The following RASA3 variants were observed in gnomAD, a reference collection of about 807,000 sequenced individuals.
RASA3 encodes ras GTPase-activating protein 3.
A neutral mutation model predicts 110.0 loss-of-function variants in RASA3; 73 were observed. The observed-to-expected ratio is 0.66, with a 90% CI of 0.55 to 0.81. The LOEUF is 0.81. Among genes scored for constraint, RASA3 ranks in the 30% least tolerant of loss-of-function variants. RASA3 has a pLI of 0.00. For synonymous variants in RASA3, 500 were observed against 451.4 expected, an observed-to-expected ratio of 1.11 and a Z score of -1.37; for missense variants, 976 against 1,113.2, an observed-to-expected ratio of 0.88 and a Z score of 1.75.
intron 1 of RASA3, among the ~76,000 whole-genome samples, chr13:114,130,611 T>C (rs1005541249): frequency 6.6e-6 from 1 of 152,082 alleles, no homozygotes; most frequent in Non-Finnish European, 1.5e-5. Context: ...AGGGTCTGAG[T>C]ATCTGGTCTG....
intron 1 of RASA3, among the ~76,000 whole-genome samples, chr13:114,081,399 C>T (rs2079786340): frequency 6.6e-6 from 1 of 152,246 alleles, no homozygotes; most frequent in Admixed American, 6.5e-5. Flanking sequence ...GCCGCATCAC[C>T]CAGCACTCTG....
At chr13:114,108,539 CACCCCATGTCCATT>C (rs1243324470) in intron 1 of RASA3, 10 of 149,432 alleles carry the variant, frequency 6.7e-5, no homozygotes, top group African/African-American at 2.5e-4. Context: ...CCACGTCCAT[CACCCCATGTCCATT>C]ATCCCCTGTC....
At chr13:114,125,721 T>C (rs9525277) in intron 1 of RASA3, among the ~76,000 whole-genome samples, 65,110 of 152,048 alleles carry the variant, frequency 0.43, 13,965 homozygotes, top group Middle Eastern at 0.6. Flanking sequence ...CCTTCACCTA[T>C]GGTTCAAAGC....
intron 7 of RASA3, among the ~76,000 whole-genome samples, 194 bp from the exon 8 acceptor site, chr13:114,024,549 G>A (rs1253184986): frequency 1.3e-5 from 2 of 152,240 alleles, no homozygotes; most frequent in African/African-American, 2.4e-5. Context: ...TACTCACGGC[G>A]CCCCTGGAGG....
chr13:114,016,360 G>A (rs978772327), intron 12 of RASA3, 89 bp from the exon 13 acceptor site: 6 of 993,174 alleles, frequency 6.0e-6, no homozygotes, highest in South Asian at 2.6e-5. Flanking sequence ...TGGCTGAGAT[G>A]TAGACCCTGA....
intron 21 of RASA3, 48 bp from the exon 22 acceptor site, chr13:113,992,636 G>T (rs3737052): frequency 7.5e-7 from 1 of 1,328,708 alleles, no homozygotes; most frequent in Non-Finnish European, 1.1e-6. Context: ...TTATTTAAAC[G>T]ATGCTTTTAA....
chr13:114,018,111 G>A lies in RASA3; in HGVS notation c.1084C>T (p.Arg362Trp), dbSNP rs1053645877. The change falls in exon 11 of 24, where the codon CGG becomes TGG. Residue 362 changes from arginine (R) to tryptophan (W), a missense_variant. Around this residue, in one of 4 missense-constraint regions of RASA3, gnomAD observed 732 missense variants for 779.7 expected, o/e 0.94. Coordinates refer to ENST00000334062, the MANE Select transcript of RASA3 (RefSeq NM_007368.4). ...GGCAGGGTGGGCACTCACTGGGTCC[G>A]CTTCACCTCCGCGCTGGCGATGGCA... is the stretch of plus-strand genomic sequence containing the variant. The part of the protein sequence containing the change: ...ISAIASAEVK[R>W]TQDPNTIFRG... 15 of 1,542,070 alleles carry A rather than the reference G, an allele frequency of 9.7e-6. No homozygotes were observed. The highest frequency in any genetic ancestry group is 7.9e-5 in the Admixed American group (4 of 50,506).
At chr13:114,035,233 G>A (rs977892954) in intron 4 of RASA3, among the ~76,000 whole-genome samples, 1 of 152,222 alleles carries the variant, frequency 6.6e-6, no homozygotes, top group Non-Finnish European at 1.5e-5. Context: ...CCTCAAACCA[G>A]GCTACTAAGA....
At chr13:114,124,962 C>T (rs2080426164) in intron 1 of RASA3, among the ~76,000 whole-genome samples, 1 of 152,328 alleles carries the variant, frequency 6.6e-6, no homozygotes, top group South Asian at 2.1e-4. Context: ...GTATTCCTGT[C>T]TCTCTTCCTA....
At chr13:114,034,229 G>A (rs1288270482) in intron 4 of RASA3, among the ~76,000 whole-genome samples, 1 of 152,272 alleles carries the variant, frequency 6.6e-6, no homozygotes, top group Non-Finnish European at 1.5e-5. Flanking sequence ...CCTGACCCAA[G>A]AATAACCAAG....
rs751968492 is a variant in RASA3, at chr13:114,000,823, T to C, written c.1849+3A>G. 1.2e-6 allele frequency: 2 copies of C among 1,600,292 alleles called. No homozygotes were observed. Among genetic ancestry groups the C allele is most frequent in the Non-Finnish European group, 1.7e-6 (2 of 1,167,446 alleles). ...AGCCAGGGAAAGCGACCTTGCTCCTTACCTTTGCTTTTGTGGTAGGTAAAT... is the reference window on the plus strand; with the variant it reads ...AGCCAGGGAAAGCGACCTTGCTCCTCACCTTTGCTTTTGTGGTAGGTAAAT... On this transcript the variant is annotated splice_donor_region_variant and intron_variant, in intron 19 of 23. Transcript: ENST00000334062.
chr13:114,071,153 T>C (rs1338807524), intron 2 of RASA3, among the ~76,000 whole-genome samples: 1 of 152,250 alleles, frequency 6.6e-6, no homozygotes, highest in Non-Finnish European at 1.5e-5. Context: ...GGTCTTGCTC[T>C]GTCGCCCAGG....
intron 22 of RASA3, among the ~76,000 whole-genome samples, chr13:113,991,906 C>G (rs1483857029): frequency 1.3e-5 from 2 of 151,998 alleles, no homozygotes; most frequent in Non-Finnish European, 2.9e-5. Flanking sequence ...ACACATGTAC[C>G]CACACATTCA....
At chr13:114,094,488 A>G (rs1035800539) in intron 1 of RASA3, among the ~76,000 whole-genome samples, 1 of 152,222 alleles carries the variant, frequency 6.6e-6, no homozygotes, top group Admixed American at 6.5e-5. Context: ...GGGTGATTAC[A>G]AAGTGTTGAA....
intron 4 of RASA3, among the ~76,000 whole-genome samples, chr13:114,033,974 C>T (rs2054231633): frequency 6.6e-6 from 1 of 152,262 alleles, no homozygotes; most frequent in African/African-American, 2.4e-5. Flanking sequence ...CTTCCCACAC[C>T]CATCAGAGCT....
chr13:114,053,235 G>A (rs566975570), intron 2 of RASA3, among the ~76,000 whole-genome samples: 303 of 152,362 alleles, frequency 2.0e-3, no homozygotes, highest in African/African-American at 6.9e-3. Context: ...GGCTCAGGCC[G>A]CCCATGCGTG....
intron 23 of RASA3, among the ~76,000 whole-genome samples, chr13:113,981,252 T>C (rs929459902): frequency 2.6e-5 from 4 of 152,142 alleles, no homozygotes; most frequent in Non-Finnish European, 5.9e-5. Context: ...ACCTGCCTCA[T>C]GAGACAAGAG....
At position 114,105,002 on chromosome 13, in the gene RASA3, C is replaced by T. The variant is rs1354350805; in HGVS notation, c.55+27433G>A. Among the ~76,000 whole-genome samples, 4 of 152,118 alleles carry T rather than the reference C, an allele frequency of 2.6e-5. No individual in the cohort carries two copies. The East Asian group carries it at 5.8e-4, about 22-fold the overall frequency. ...GGTGGCCCCCAGGCTCTCGGCCCCC[C>T]GAGCCCAGCTTCCATCTCGGGCCAT... is the stretch of plus-strand genomic sequence containing the variant. On this transcript the variant is annotated intron_variant, in intron 1 of 23. Transcript: ENST00000334062.
At chr13:114,127,711 T>C (rs1056657155) in intron 1 of RASA3, among the ~76,000 whole-genome samples, 2 of 151,618 alleles carry the variant, frequency 1.3e-5, no homozygotes, top group Non-Finnish European at 2.9e-5. Flanking sequence ...AGTTGGAGAG[T>C]TGGAGACCAG....
Sources: gnomAD v4.1 joint callset for allele counts (sites outside exome capture counted in the v4.1 genomes callset) on GRCh38, gnomAD v4.1.1 for gene constraint, gnomAD v4.1.1 regional missense constraint, MANE v1.5 for transcripts, NCBI Gene and HGNC (gene_info 2026-07-23, HGNC 2026-07-21) for gene names.